The following TRPC4 variants were observed in gnomAD, a reference collection of about 807,000 sequenced individuals.
TRPC4 encodes the protein transient receptor potential cation channel subfamily C member 4, also known as short transient receptor potential channel 4.
In TRPC4, 49 loss-of-function variants were observed where a neutral mutation model predicts 99.4. The ratio of observed to expected loss-of-function variants is 0.49; its 90% confidence interval spans 0.39 to 0.63. TRPC4 has a LOEUF of 0.63. TRPC4 is among the 20% of genes least tolerant of loss of function. The probability of loss-of-function intolerance (pLI) is 0.00; values close to 1 mark genes in which losing one functional copy is unlikely to be tolerated. For synonymous variants in TRPC4, 454 were observed against 425.9 expected (o/e 1.07, Z -0.81); for missense variants, 898 against 1,152.9 (o/e 0.78, Z 3.20).
At chr13:37,792,776 CAAAA>C (rs71709950) in intron 1 of TRPC4, among the ~76,000 whole-genome samples, 18 of 144,482 alleles carry the variant, frequency 1.2e-4, no homozygotes, top group Non-Finnish European at 2.3e-4. Flanking sequence ...GATGTGCAAA[CAAAA>C]AAAAAGACAA....
chr13:37,869,068 T>C (rs952815573), intron 1 of TRPC4, among the ~76,000 whole-genome samples: 19 of 152,118 alleles, frequency 1.2e-4, no homozygotes, highest in Non-Finnish European at 2.5e-4. Context: ...TTTCTGTTTC[T>C]TGACAGAGAA....
At chr13:37,760,995 T>G (rs1956207681) in intron 2 of TRPC4, among the ~76,000 whole-genome samples, 1 of 151,986 alleles carries the variant, frequency 6.6e-6, no homozygotes, top group Non-Finnish European at 1.5e-5. Flanking sequence ...TAGAGTTGAC[T>G]TGAAAAGGTA....
At position 37,735,543 on chromosome 13, in the gene TRPC4, C is replaced by T. The variant is rs114655102; in HGVS notation, c.897+10394G>A. Among the ~76,000 whole-genome samples, 318 of 152,256 alleles carry T rather than the reference C, an allele frequency of 2.1e-3. 3 individuals are homozygous for T. Among genetic ancestry groups the T allele is most frequent in the African/African-American group, 7.3e-3 (304 of 41,550 alleles). ...AAGAGAAAGCCTTCTCCATCATTGA[C>T]AAACTACATGATTGTATCTGAATAA... On this transcript the variant is annotated intron_variant, in intron 3 of 10. Transcript: ENST00000379705.
intron 3 of TRPC4, among the ~76,000 whole-genome samples, chr13:37,713,312 C>T (rs916731818): frequency 2.6e-5 from 4 of 152,110 alleles, no homozygotes; most frequent in Admixed American, 6.6e-5. Context: ...TACATGACCA[C>T]GTACCATTTT....
chr13:37,755,563 C>T (rs577539711), intron 2 of TRPC4, among the ~76,000 whole-genome samples: 287 of 152,048 alleles, frequency 1.9e-3, no homozygotes, highest in African/African-American at 6.6e-3. Context: ...ATAGCACCAC[C>T]ACGCCTAGAT....
chr13:37,865,611 A>G (rs572309999), intron 1 of TRPC4, among the ~76,000 whole-genome samples: 1 of 151,876 alleles, frequency 6.6e-6, no homozygotes, highest in South Asian at 2.1e-4. Flanking sequence ...TGATGGGGAC[A>G]GTTGTTTATA....
intron 2 of TRPC4, among the ~76,000 whole-genome samples, chr13:37,768,059 G>C (rs1401538529): frequency 3.3e-5 from 5 of 151,296 alleles, no homozygotes; most frequent in Admixed American, 2.6e-4. Context: ...AATCATAGGA[G>C]GGAACAAACT....
At chr13:37,770,607 T>G (rs990376864) in intron 2 of TRPC4, among the ~76,000 whole-genome samples, 1 of 151,550 alleles carries the variant, frequency 6.6e-6, no homozygotes, top group Non-Finnish European at 1.5e-5. Context: ...GTAATTTAAG[T>G]TGAGGTCAGG....
In TRPC4 at chr13:37,749,444, A is replaced by G. The variant is rs73458365; in HGVS notation, c.379-2989T>C. On this transcript the variant is annotated intron_variant, in intron 2 of 10. Transcript: ENST00000379705. ...AGCTGGTCATAGATTGTTAGACATC[A>G]GGAACTGATTGTCTTAGCTGGACTC... 9.2e-3 allele frequency among the ~76,000 whole-genome samples: 1,401 copies of G among 152,274 alleles called. 14 individuals are homozygous for G. The highest frequency in any genetic ancestry group is 0.032 in the African/African-American group (1,333 of 41,566).
chr13:37,643,889 C>A (rs928364260), intron 8 of TRPC4, among the ~76,000 whole-genome samples: 5 of 152,000 alleles, frequency 3.3e-5, no homozygotes, highest in Non-Finnish European at 7.4e-5. Context: ...TTGCAGGTGC[C>A]CATCTGCAAT....
At chr13:37,664,467 G>C (rs1952568890) in intron 5 of TRPC4, among the ~76,000 whole-genome samples, 1 of 151,990 alleles carries the variant, frequency 6.6e-6, no homozygotes, top group African/African-American at 2.4e-5. Context: ...CCAGCTATTA[G>C]GGAGGCTGAG....
At chr13:37,869,161 C>A (rs1959991005) in intron 1 of TRPC4, among the ~76,000 whole-genome samples, 1 of 152,090 alleles carries the variant, frequency 6.6e-6, no homozygotes, top group South Asian at 2.1e-4. Context: ...TGCCGGAGAG[C>A]TAAGGCCTCA....
chr13:37,725,746 ATC>A (rs1955031413), intron 3 of TRPC4, among the ~76,000 whole-genome samples: 2 of 152,190 alleles, frequency 1.3e-5, no homozygotes, highest in Admixed American at 1.3e-4. Flanking sequence ...AGATTCCTAT[ATC>A]TGGCAAAACT....
At chr13:37,661,826 C>T (rs1396858131) in intron 6 of TRPC4, among the ~76,000 whole-genome samples, 4 of 137,912 alleles carry the variant, frequency 2.9e-5, no homozygotes, top group South Asian at 2.6e-4. Flanking sequence ...AGGGGGTGGG[C>T]GGGGGAGGAA....
intron 7 of TRPC4, 43 bp downstream of exon 7, chr13:37,655,045 T>C (rs1952178743): frequency 7.1e-7 from 1 of 1,405,606 alleles, no homozygotes; most frequent in East Asian, 2.6e-5. Flanking sequence ...GAACAACACA[T>C]TCTAGAGGAA....
intron 1 of TRPC4, among the ~76,000 whole-genome samples, chr13:37,830,708 G>T (rs1313276978): frequency 6.8e-6 from 1 of 146,558 alleles, no homozygotes; most frequent in African/African-American, 2.5e-5. Flanking sequence ...GCGAAATTCC[G>T]TTTTAAAAAA....
rs551593424 is a variant in TRPC4, at chr13:37,829,277, T to C, written c.-28+40318A>G. On this transcript the variant is annotated intron_variant, in intron 1 of 10. Transcript: ENST00000379705. ...AGCCTCAAATATAAAAAGGCAAATA[T>C]TCAGATTTTTTAAAAAATGTGCAAA... Among the ~76,000 whole-genome samples the C allele has an allele frequency of 1.6e-3, 237 of 152,264 alleles. 1 individual carries two copies. Among genetic ancestry groups the C allele is most frequent in the Middle Eastern group, 6.8e-3 (2 of 294 alleles).
rs1465520477 is a variant in TRPC4, at chr13:37,660,774, GT to G, written c.1688+2641del. Among the ~76,000 whole-genome samples, 2 of 152,120 alleles carry G rather than the reference GT, an allele frequency of 1.3e-5. 1 individual carries two copies. The highest frequency in any genetic ancestry group is 2.9e-5 in the Non-Finnish European group (2 of 68,014). On this transcript the variant is annotated intron_variant, in intron 6 of 10. Coordinates refer to ENST00000379705, the MANE Select transcript of TRPC4 (RefSeq NM_016179.4). The stretch of plus-strand genomic sequence containing the variant: ...AATAAGGTCTCGGAAATAGTGGGCA[GT>G]AAAAAAGAGCCTGAATTTATGAAAT...
intron 1 of TRPC4, among the ~76,000 whole-genome samples, chr13:37,824,552 T>C (rs1958139336): frequency 6.6e-6 from 1 of 151,862 alleles, no homozygotes; most frequent in South Asian, 2.1e-4. Flanking sequence ...TGTCTTTGGT[T>C]CTGTTTATAT....
Sources: allele counts gnomAD v4.1 joint callset (sites outside exome capture counted in the v4.1 genomes callset), GRCh38; gene constraint gnomAD v4.1.1; transcripts MANE v1.5; gene names NCBI Gene and HGNC (gene_info 2026-07-23, HGNC 2026-07-21).